REDIC1: variants seen among roughly 807,000 people sequenced by gnomAD.
REDIC1 encodes the protein HEI10 Interacting Protein 1.
the REDIC1 span, among the ~76,000 whole-genome samples, chr12:39,711,601 A>G: frequency 8.0e-6 from 1 of 125,366 alleles, no homozygotes; most frequent in Admixed American, 7.8e-5. Flanking sequence ...ATATGTGTAT[A>G]CACATGCATG....
the REDIC1 span, among the ~76,000 whole-genome samples, chr12:39,904,632 C>T: frequency 6.6e-6 from 1 of 152,098 alleles, no homozygotes; most frequent in African/African-American, 2.4e-5. Context: ...GTTTAATGTC[C>T]TATCACGTGC....
the REDIC1 span, chr12:39,683,205 T>G: frequency 3.5e-6 from 5 of 1,427,102 alleles, no homozygotes; most frequent in East Asian, 1.2e-4. Flanking sequence ...AGTATATATA[T>G]TTGTATATTC....
At chr12:39,773,540 C>T in the REDIC1 span, among the ~76,000 whole-genome samples, 4 of 152,204 alleles carry the variant, frequency 2.6e-5, no homozygotes, top group Non-Finnish European at 5.9e-5. Context: ...ACCTCTCCAT[C>T]ATTTATCTTT....
At chr12:39,711,906 C>A in the REDIC1 span, among the ~76,000 whole-genome samples, 97,911 of 128,058 alleles carry the variant, frequency 0.76, 38,105 homozygotes, top group Non-Finnish European at 0.84. Context: ...CACGTATACA[C>A]ATGTATATAC....
the REDIC1 span, among the ~76,000 whole-genome samples, chr12:39,698,862 G>A: frequency 6.6e-6 from 1 of 152,120 alleles, no homozygotes; most frequent in African/African-American, 2.4e-5. Flanking sequence ...GAAGTTCGTA[G>A]CTCTAAAAGT....
the REDIC1 span, among the ~76,000 whole-genome samples, chr12:39,861,079 C>T: frequency 5.3e-4 from 81 of 152,344 alleles, no homozygotes; most frequent in East Asian, 9.6e-3. Flanking sequence ...GCACTTGCCA[C>T]GTTCCTTACT....
the REDIC1 span, among the ~76,000 whole-genome samples, chr12:39,718,486 C>A: frequency 6.6e-6 from 1 of 152,090 alleles, no homozygotes; most frequent in African/African-American, 2.4e-5. Flanking sequence ...TATTGTATTA[C>A]CAAGAAACTG....
chr12:39,840,908 A>G, the REDIC1 span, among the ~76,000 whole-genome samples: 1 of 152,256 alleles, frequency 6.6e-6, no homozygotes, highest in East Asian at 1.9e-4. Flanking sequence ...TTATATTGAT[A>G]GAAGATTTGG....
the REDIC1 span, among the ~76,000 whole-genome samples, chr12:39,679,457 C>A: frequency 6.6e-6 from 1 of 152,056 alleles, no homozygotes; most frequent in South Asian, 2.1e-4. Flanking sequence ...AAGATATCTA[C>A]AAGAAAAACT....
chr12:39,700,638 A>T, the REDIC1 span, among the ~76,000 whole-genome samples: 1 of 152,094 alleles, frequency 6.6e-6, no homozygotes. Flanking sequence ...TAATTGTCAG[A>T]TTCACCAAAG....
the REDIC1 span, among the ~76,000 whole-genome samples, chr12:39,635,533 T>G: frequency 6.6e-6 from 1 of 151,080 alleles, no homozygotes; most frequent in South Asian, 2.1e-4. Context: ...CTCAGCAAAC[T>G]ATCACAAGGA....
the REDIC1 span, among the ~76,000 whole-genome samples, chr12:39,859,523 TTG>T: frequency 6.6e-6 from 1 of 151,926 alleles, no homozygotes; most frequent in Admixed American, 6.6e-5. Context: ...TGAGAAGTTT[TTG>T]TTTGTTTGCT....
At chr12:39,845,200 A>G in the REDIC1 span, among the ~76,000 whole-genome samples, 2 of 152,114 alleles carry the variant, frequency 1.3e-5, no homozygotes, top group East Asian at 1.9e-4. Flanking sequence ...AGGTTAGGTT[A>G]TTTTAAAGTG....
the REDIC1 span, among the ~76,000 whole-genome samples, chr12:39,675,379 GC>G: frequency 4.0e-5 from 6 of 151,872 alleles, no homozygotes; most frequent in African/African-American, 1.5e-4. Flanking sequence ...GAACTCTATG[GC>G]CCCACCTATT....
the REDIC1 span, among the ~76,000 whole-genome samples, chr12:39,849,706 A>G: frequency 6.6e-6 from 1 of 152,084 alleles, no homozygotes; most frequent in Non-Finnish European, 1.5e-5. Flanking sequence ...TCATAGATTC[A>G]TGTTTATTTG....
chr12:39,719,572 C>T, the REDIC1 span, among the ~76,000 whole-genome samples: 3 of 151,928 alleles, frequency 2.0e-5, no homozygotes, highest in Non-Finnish European at 4.4e-5. Context: ...CATGATTGTG[C>T]CACTGCACTC....
At chr12:39,702,128 T>C in the REDIC1 span, among the ~76,000 whole-genome samples, 1 of 152,010 alleles carries the variant, frequency 6.6e-6, no homozygotes, top group Middle Eastern at 3.2e-3. Context: ...AAAAAACCCT[T>C]CAAAAAATTA....
At chr12:39,727,035 G>T in the REDIC1 span, among the ~76,000 whole-genome samples, 1 of 152,184 alleles carries the variant, frequency 6.6e-6, no homozygotes, top group Middle Eastern at 3.4e-3. Context: ...TTGTAAATTT[G>T]TGTAAGTTCC....
the REDIC1 span, among the ~76,000 whole-genome samples, chr12:39,749,236 A>G: frequency 6.6e-6 from 1 of 152,186 alleles, no homozygotes; most frequent in Admixed American, 6.5e-5. Flanking sequence ...GATAAAGGGG[A>G]TATCACCACC....
Sources: allele counts gnomAD v4.1 joint callset (sites outside exome capture counted in the v4.1 genomes callset), GRCh38; gene constraint gnomAD v4.1.1; transcripts MANE v1.5; gene names NCBI Gene and HGNC (gene_info 2026-07-23, HGNC 2026-07-21).